The following FGD4 variants were observed in gnomAD, a reference collection of about 807,000 sequenced individuals.
FGD4 encodes the protein FYVE, RhoGEF and PH domain-containing protein 4.
Under a neutral mutation model 102.0 loss-of-function variants are expected in FGD4, and 42 were observed. The observed-to-expected ratio is 0.41, with a 90% confidence interval of 0.32 to 0.53. FGD4 has a LOEUF of 0.53. FGD4 is among the 20% of genes least tolerant of loss of function. The pLI is 0.21. For synonymous variants in FGD4, 380 were observed against 375.7 expected, an observed-to-expected ratio of 1.01 and a Z score of -0.13; for missense variants, 902 against 1,078.2, an observed-to-expected ratio of 0.84 and a Z score of 2.29.
At chr12:32,604,936 C>CTTTTTTT (rs575943561) in intron 7 of FGD4, among the ~76,000 whole-genome samples, 6,353 of 93,920 alleles carry the variant, frequency 0.068, 629 homozygotes, top group African/African-American at 0.091. Context: ...TTTATAGCTG[C>CTTTTTTT]TTTTTTTTTT....
chr12:32,439,797 A>G (rs1344513406), intron 1 of FGD4, among the ~76,000 whole-genome samples: 2 of 152,204 alleles, frequency 1.3e-5, no homozygotes, highest in East Asian at 3.9e-4. Context: ...TTTAAGGCCA[A>G]TAACTTTTAG....
chr12:32,412,494 T>C (rs1941247170), intron 1 of FGD4, among the ~76,000 whole-genome samples: 2 of 152,192 alleles, frequency 1.3e-5, no homozygotes, highest in South Asian at 2.1e-4. Context: ...GAAATTGTTA[T>C]AGGCTGGGTA....
intron 5 of FGD4, among the ~76,000 whole-genome samples, chr12:32,599,085 G>T (rs1308482464): frequency 6.6e-6 from 1 of 152,104 alleles, no homozygotes; most frequent in African/African-American, 2.4e-5. Context: ...GCATAAAGTT[G>T]CCCAGCTGAT....
chr12:32,582,528 A>T, intron 4 of FGD4, 61 bp downstream of exon 4: 1 of 1,594,156 alleles, frequency 6.3e-7, no homozygotes, highest in Non-Finnish European at 8.5e-7. Context: ...GTTGTCTTAA[A>T]ACTCTTTATT....
intron 1 of FGD4, chr12:32,534,647 T>A: frequency 2.0e-6 from 1 of 489,292 alleles, no homozygotes; most frequent in Non-Finnish European, 3.4e-6. Context: ...AGTTCAAGAT[T>A]AAAATATGTG....
intron 1 of FGD4, among the ~76,000 whole-genome samples, chr12:32,489,173 G>T (rs891335021): frequency 3.3e-5 from 5 of 151,980 alleles, no homozygotes; most frequent in African/African-American, 9.7e-5. Flanking sequence ...TCTTCAGTGC[G>T]TGCCTGTAGT....
In FGD4 at chr12:32,484,207, A is replaced by G. The variant is rs1315607866; in HGVS notation, c.167-79930A>G. On this transcript the variant is annotated intron_variant, in intron 1 of 16. Coordinates refer to ENST00000534526, the MANE Select transcript of FGD4 (RefSeq NM_001370298.3). ...TTATCCATGCAATGGGAGGATTTCT[A>G]AATGTCTTAAGACTTTATGATGTTA... is the stretch of plus-strand genomic sequence containing the variant. 6.6e-5 allele frequency among the ~76,000 whole-genome samples: 10 copies of G among 152,170 alleles called. No individual in the cohort carries two copies. In the South Asian group the frequency reaches 1.0e-3, roughly 16 times the overall value.
chr12:32,568,424 C>A (rs1945366609), intron 2 of FGD4, among the ~76,000 whole-genome samples: 1 of 152,222 alleles, frequency 6.6e-6, no homozygotes, highest in Admixed American at 6.5e-5. Flanking sequence ...AATTACTGAG[C>A]AACCTCCAGC....
chr12:32,432,126 C>G (rs1262573201), intron 1 of FGD4, among the ~76,000 whole-genome samples: 1 of 139,456 alleles, frequency 7.2e-6, no homozygotes, highest in African/African-American at 2.6e-5. Context: ...GTGGCCTGAT[C>G]TTGGCTCACT....
At position 32,545,472 on chromosome 12, in the gene FGD4, T is replaced by A. The variant is rs191562808; in HGVS notation, c.167-18665T>A. 1.9e-4 allele frequency among the ~76,000 whole-genome samples: 29 copies of A among 152,308 alleles called. No individual in the cohort carries two copies. In the East Asian group the frequency reaches 4.8e-3, roughly 25 times the overall value. The stretch of plus-strand genomic sequence containing the variant: ...CTGTGAAGGGCCAGATTGTAAACAT[T>A]TTAGGCTTTGCAGGCCATATGGTCC... On this transcript the variant is annotated intron_variant, in intron 1 of 16. Coordinates refer to ENST00000534526, the MANE Select transcript of FGD4 (RefSeq NM_001370298.3).
At chr12:32,516,769 G>C (rs1939940655) in intron 1 of FGD4, among the ~76,000 whole-genome samples, 2 of 152,164 alleles carry the variant, frequency 1.3e-5, no homozygotes, top group South Asian at 4.1e-4. Context: ...GTTTGTAAAT[G>C]ATAAGAATAA....
chr12:32,559,643 C>A (rs17538469), intron 1 of FGD4, among the ~76,000 whole-genome samples: 9,114 of 152,172 alleles, frequency 0.06, 348 homozygotes, highest in South Asian at 0.14. Context: ...TCTTATTGCA[C>A]GCATTTTGGC....
intron 4 of FGD4, among the ~76,000 whole-genome samples, chr12:32,595,445 C>T (rs551038093): frequency 6.6e-6 from 1 of 152,148 alleles, no homozygotes; most frequent in Non-Finnish European, 1.5e-5. Context: ...TCCATATACT[C>T]TCATTCTCTG....
intron 1 of FGD4, among the ~76,000 whole-genome samples, chr12:32,518,124 T>G (rs750884157): frequency 2.0e-5 from 3 of 152,214 alleles, no homozygotes; most frequent in South Asian, 2.1e-4. Context: ...TACAAGATTC[T>G]TGTGAAAGAC....
intron 8 of FGD4, among the ~76,000 whole-genome samples, chr12:32,608,642 GT>G (rs1035303771): frequency 3.3e-5 from 5 of 152,102 alleles, no homozygotes; most frequent in South Asian, 4.1e-4. Flanking sequence ...AATGAAAGGG[GT>G]TTTTTTAAAG....
intron 1 of FGD4, among the ~76,000 whole-genome samples, chr12:32,540,207 C>T (rs921019277): frequency 2.6e-5 from 4 of 152,116 alleles, no homozygotes; most frequent in African/African-American, 9.7e-5. Flanking sequence ...GGTTTAAGTT[C>T]GCCTCCCTCA....
Position 32,611,275 on chromosome 12 carries a change from CT to C in FGD4, c.1745del (p.Phe582SerfsTer17). 1 of 1,614,122 alleles carries C rather than the reference CT, an allele frequency of 6.2e-7. No homozygotes were observed. The highest frequency in any genetic ancestry group is 8.5e-7 in the Non-Finnish European group (1 of 1,180,030). ...GAACACTTCAGCACAAGAACGCTAC[CT>C]TTTCTTAGTGAGTATTATAGTGTTG... ...ARNTSAQERY[L>X]FLFNNMLLYC... On this transcript the variant is annotated frameshift_variant, in exon 10 of 17. Transcript: ENST00000534526. LOFTEE classifies it high-confidence loss of function.
At chr12:32,576,497 A>C (rs1946138239) in intron 3 of FGD4, 48 bp downstream of exon 3, 1 of 1,600,362 alleles carries the variant, frequency 6.2e-7, no homozygotes. Context: ...AAGAAAGCTG[A>C]TTTTCGAAAA....
At chr12:32,623,642 G>C (rs1046705617) in intron 11 of FGD4, among the ~76,000 whole-genome samples, 1 of 152,074 alleles carries the variant, frequency 6.6e-6, no homozygotes, top group Non-Finnish European at 1.5e-5. Context: ...ATCCTCTTCA[G>C]AATTTTTCAA....
Sources: allele counts gnomAD v4.1 joint callset (sites outside exome capture counted in the v4.1 genomes callset), GRCh38; gene constraint gnomAD v4.1.1; transcripts MANE v1.5; gene names NCBI Gene and HGNC (gene_info 2026-07-23, HGNC 2026-07-21).